The following GTF2F2 variants were observed in gnomAD, a reference collection of about 807,000 sequenced individuals.
GTF2F2 encodes the protein general transcription factor IIF subunit 2, also known as ATP-dependent helicase GTF2F2.
GTF2F2 carries 23 observed loss-of-function variants against 42.2 expected under a neutral mutation model. The observed-to-expected ratio is 0.55, with a 90% CI of 0.39 to 0.77. The LOEUF is 0.77. Among genes scored for constraint, GTF2F2 ranks in the 30% least tolerant of loss-of-function variants. The pLI, the probability that GTF2F2 is intolerant of heterozygous loss-of-function variation, is 0.00. For missense variants in GTF2F2, 261 were observed against 287.2 expected, an observed-to-expected ratio of 0.91 and a Z score of 0.66; for synonymous variants, 105 against 100.8, an observed-to-expected ratio of 1.04 and a Z score of -0.25.
At chr13:45,280,845 C>T (rs1341069609) in intron 7 of GTF2F2, among the ~76,000 whole-genome samples, 16 of 152,178 alleles carry the variant, frequency 1.1e-4, no homozygotes, top group Non-Finnish European at 2.1e-4. Flanking sequence ...TACTAAAATG[C>T]TCCTGGCAAT....
At chr13:45,237,223 A>G (rs55889418) in intron 5 of GTF2F2, among the ~76,000 whole-genome samples, 5,940 of 152,270 alleles carry the variant, frequency 0.039, 160 homozygotes, top group South Asian at 0.073. Context: ...TAGCACTTCC[A>G]TGAACATTGC....
At chr13:45,216,786 TGGGA>T in intron 5 of GTF2F2, among the ~76,000 whole-genome samples, 1 of 151,650 alleles carries the variant, frequency 6.6e-6, no homozygotes, top group Non-Finnish European at 1.5e-5. Context: ...CCCCAAGTGC[TGGGA>T]TTACAGGCAT....
intron 4 of GTF2F2, among the ~76,000 whole-genome samples, chr13:45,169,184 A>G (rs548722897): frequency 6.6e-6 from 1 of 152,144 alleles, no homozygotes; most frequent in East Asian, 1.9e-4. Flanking sequence ...TGAAGTCCTA[A>G]ACCCAGGTAC....
chr13:45,223,371 C>T (rs1047116252), intron 5 of GTF2F2, among the ~76,000 whole-genome samples: 1 of 150,860 alleles, frequency 6.6e-6, no homozygotes, highest in African/African-American at 2.4e-5. Flanking sequence ...GAGGCTAATA[C>T]GAACAAGAAA....
In GTF2F2 at chr13:45,120,559, C is replaced by G. The variant is rs765248689; in HGVS notation, c.-97C>G. ...TAAGGAACGCCGGCTCTTCGCCTCTCAGCGCGGCTTGTCCTTTGTTCCGGA... is the reference window on the plus strand; with the variant it reads ...TAAGGAACGCCGGCTCTTCGCCTCTGAGCGCGGCTTGTCCTTTGTTCCGGA... On this transcript the variant is annotated 5_prime_UTR_variant, in exon 1 of 8. Transcript: ENST00000340473. 1.2e-6 allele frequency: 1 copy of G among 840,538 alleles called. No homozygotes were observed. Among genetic ancestry groups the G allele is most frequent in the Non-Finnish European group, 2.0e-6 (1 of 512,796 alleles). 52.1% of individuals were successfully genotyped at this position (840,538 alleles called of 1,614,324 possible).
chr13:45,148,450 C>A (rs1870313772), intron 2 of GTF2F2, among the ~76,000 whole-genome samples: 1 of 152,116 alleles, frequency 6.6e-6, no homozygotes, highest in African/African-American at 2.4e-5. Context: ...TGTGATCAGA[C>A]CCTTTTGTGA....
At chr13:45,212,618 T>A (rs923353679) in intron 5 of GTF2F2, among the ~76,000 whole-genome samples, 5 of 148,166 alleles carry the variant, frequency 3.4e-5, no homozygotes, top group African/African-American at 1.3e-4. Flanking sequence ...CAGGCTTAAG[T>A]GCAGTGGAGC....
chr13:45,216,251 T>A (rs1315816360), intron 5 of GTF2F2, among the ~76,000 whole-genome samples: 1 of 152,256 alleles, frequency 6.6e-6, no homozygotes, highest in East Asian at 1.9e-4. Context: ...GGAATAATTT[T>A]AAAAACTCAA....
chr13:45,239,699 T>G (rs1875181919), intron 5 of GTF2F2, among the ~76,000 whole-genome samples: 1 of 152,232 alleles, frequency 6.6e-6, no homozygotes, highest in South Asian at 2.1e-4. Flanking sequence ...TACCCAAAAC[T>G]GTAAGCTGCC....
chr13:45,134,020 A>C (rs773355007), intron 1 of GTF2F2, among the ~76,000 whole-genome samples: 1 of 152,216 alleles, frequency 6.6e-6, no homozygotes, highest in Admixed American at 6.5e-5. Flanking sequence ...TGCTTGAAAT[A>C]CAGATTATGA....
chr13:45,167,325 C>A (rs1344068079), intron 4 of GTF2F2, among the ~76,000 whole-genome samples: 1 of 150,938 alleles, frequency 6.6e-6, no homozygotes, highest in African/African-American at 2.4e-5. Flanking sequence ...ACCCCCGCCT[C>A]CCTGCCTCAG....
chr13:45,171,004 A>C (rs879147433), intron 4 of GTF2F2, among the ~76,000 whole-genome samples: 1 of 151,388 alleles, frequency 6.6e-6, no homozygotes, highest in Admixed American at 6.6e-5. Flanking sequence ...AATTTAGTAG[A>C]GAGAAAGCAA....
intron 7 of GTF2F2, among the ~76,000 whole-genome samples, chr13:45,276,479 C>T (rs970468219): frequency 2.0e-5 from 3 of 151,916 alleles, no homozygotes; most frequent in African/African-American, 7.3e-5. Context: ...TCTTACCACC[C>T]ATCCTGGGGT....
chr13:45,171,837 G>A lies in GTF2F2; in HGVS notation c.304+20006G>A, dbSNP rs905607918. ...CCATTCTGGACAGTTTATATAAATG[G>A]AATCCTAAAATACTTGGTCTTTTGT... On this transcript the variant is annotated intron_variant, in intron 4 of 7. Coordinates refer to ENST00000340473, the MANE Select transcript of GTF2F2 (RefSeq NM_004128.3). Among the ~76,000 whole-genome samples the A allele has an allele frequency of 1.6e-4, 24 of 150,816 alleles. No homozygotes were observed. The South Asian group carries it at 2.5e-3, about 16-fold the overall frequency.
At chr13:45,253,585 A>G (rs1021605574) in intron 6 of GTF2F2, among the ~76,000 whole-genome samples, 3 of 152,196 alleles carry the variant, frequency 2.0e-5, no homozygotes, top group South Asian at 4.1e-4. Flanking sequence ...TTGAATGGAA[A>G]ATTCCAGATG....
chr13:45,211,114 C>G (rs578142876), intron 5 of GTF2F2, among the ~76,000 whole-genome samples: 54 of 152,254 alleles, frequency 3.5e-4, no homozygotes, highest in Non-Finnish European at 6.8e-4. Context: ...CCCAGATTGG[C>G]TCCCTGCTGT....
chr13:45,245,593 C>A (rs1875546122), intron 5 of GTF2F2, among the ~76,000 whole-genome samples: 1 of 150,218 alleles, frequency 6.7e-6, no homozygotes, highest in African/African-American at 2.5e-5. Context: ...ATAACGGTCT[C>A]CAACTCCACC....
intron 4 of GTF2F2, among the ~76,000 whole-genome samples, chr13:45,179,949 G>A (rs1161245009): frequency 6.6e-6 from 1 of 152,108 alleles, no homozygotes; most frequent in African/African-American, 2.4e-5. Flanking sequence ...CTTTTAAGTT[G>A]GGAGGTGGGG....
chr13:45,263,702 C>G (rs1007809090), intron 6 of GTF2F2: 1 of 152,260 alleles, frequency 6.6e-6, no homozygotes, highest in African/African-American at 2.4e-5. Flanking sequence ...AGGACAATAA[C>G]TACCATGGTT....
Sources: gnomAD v4.1 joint callset for allele counts (sites outside exome capture counted in the v4.1 genomes callset) on GRCh38, gnomAD v4.1.1 for gene constraint, MANE v1.5 for transcripts, NCBI Gene and HGNC (gene_info 2026-07-23, HGNC 2026-07-21) for gene names.